The following SLC5A9 variants were observed in gnomAD, a reference collection of about 807,000 sequenced individuals.
SLC5A9 encodes the protein solute carrier family 5 member 9, also known as sodium/glucose cotransporter 4.
A neutral mutation model predicts 70.9 loss-of-function variants in SLC5A9; 59 were observed. That is an observed-to-expected ratio of 0.83 (90% CI 0.68 to 1.03). The LOEUF is 1.03. SLC5A9 is among the 50% of genes least tolerant of loss of function. The pLI is 0.00. For synonymous variants in SLC5A9, 340 were observed against 346.5 expected (o/e 0.98, Z 0.21); for missense variants, 832 against 881.1 (o/e 0.94, Z 0.71).
At chr1:48,241,929 T>C (rs1360316003) in intron 12 of SLC5A9, 1 of 456,286 alleles carries the variant, frequency 2.2e-6, no homozygotes, top group South Asian at 1.5e-5. Flanking sequence ...TCACCTCCTT[T>C]ACCCATTTCC....
Position 48,231,598 on chromosome 1 carries a change from G to C in SLC5A9, c.664G>C (p.Gly222Arg). Residue 222 changes from glycine to arginine, a missense_variant, in exon 6 of 14, where the codon GGG becomes CGG. Physicochemically the swap from Gly to Arg is moderately radical, Grantham distance 125 (BLOSUM62 -2). Coordinates refer to ENST00000438567, the MANE Select transcript of SLC5A9 (RefSeq NM_001011547.3). ...TGCTCTGCAGACGGTGATCATGGTA[G>C]GGGGAGCCCTGGTCCTCATGTTTCT... ...TDALQTVIMVGGALVLMFLGF... is the reference protein window; with the variant it reads ...TDALQTVIMVRGALVLMFLGF... 1.9e-6 allele frequency: 3 copies of C among 1,614,142 alleles called. No individual in the cohort carries two copies. The highest frequency in any genetic ancestry group is 8.5e-7 in the Non-Finnish European group (1 of 1,179,994).
intron 13 of SLC5A9, among the ~76,000 whole-genome samples, chr1:48,244,765 T>TAAATTATATTTATATTATATAA (rs1644432947): frequency 7.3e-6 from 1 of 136,436 alleles, no homozygotes; most frequent in Non-Finnish European, 1.5e-5. Flanking sequence ...ATATTATATA[T>TAAATTATATTTATATTATATAA]AAATTATATT....
At chr1:48,229,493 G>A (rs1201672570) in intron 4 of SLC5A9, 34 bp downstream of exon 4, 1 of 1,609,496 alleles carries the variant, frequency 6.2e-7, no homozygotes, top group African/African-American at 1.3e-5. Flanking sequence ...ACTGTGTCTG[G>A]AAATGCTAAT....
At chr1:48,227,996 C>G (rs1481866797) in intron 2 of SLC5A9, 1 of 152,256 alleles carries the variant, frequency 6.6e-6, no homozygotes, top group African/African-American at 2.4e-5. Context: ...TCCTCCCAGG[C>G]TCCAGAGCCC....
chr1:48,244,016 A>C (rs1644421798), intron 13 of SLC5A9, among the ~76,000 whole-genome samples: 1 of 152,222 alleles, frequency 6.6e-6, no homozygotes, highest in African/African-American at 2.4e-5. Context: ...AATGTCAATA[A>C]CGTAGTAATA....
Position 48,224,770 on chromosome 1 carries a change from C to T in SLC5A9, c.209C>T (p.Ala70Val). 3 of 1,614,120 alleles carry T rather than the reference C, an allele frequency of 1.9e-6. No individual in the cohort carries two copies. The highest frequency in any genetic ancestry group is 2.5e-6 in the Non-Finnish European group (3 of 1,180,018). The change falls in exon 2 of 14, where the codon GCC becomes GTC. Residue 70 changes from alanine to valine, a missense_variant. Coordinates refer to ENST00000438567, the MANE Select transcript of SLC5A9 (RefSeq NM_001011547.3). Reference sequence around the variant, plus strand: ...GGGACCATTGGCGGCTATTTCCTGGCCGGGAGGTCCATGAGCTGGTGGCCA... The same window carrying T: ...GGGACCATTGGCGGCTATTTCCTGGTCGGGAGGTCCATGAGCTGGTGGCCA... Reference protein sequence around the residue: ...SRGTIGGYFLAGRSMSWWPIG... With the variant: ...SRGTIGGYFLVGRSMSWWPIG...
At chr1:48,243,198 T>TC (rs1192612397) in intron 13 of SLC5A9, among the ~76,000 whole-genome samples, 1 of 152,012 alleles carries the variant, frequency 6.6e-6, no homozygotes, top group African/African-American at 2.4e-5. Context: ...TTTATTTATC[T>TC]CCCCCTGGGC....
rs1553132215 is a variant in SLC5A9, at chr1:48,244,878, G to GTATGTATATATATA, written c.1837+2265_1837+2266insGTATATATATATAT. ...TGTGTGTGTGTATGTATGTGTATGT[G>GTATGTATATATATA]TATATATATATATATATATATATAT... On this transcript the variant is annotated intron_variant, in intron 13 of 13. Transcript: ENST00000438567. 1.7e-4 allele frequency among the ~76,000 whole-genome samples: 5 copies of GTATGTATATATATA among 29,418 alleles called. 1 individual carries two copies. The highest frequency in any genetic ancestry group is 1.6e-3 in the East Asian group (1 of 616). The allele number at this position is 29,418 out of a possible 152,430, so 19.3% of individuals were successfully genotyped here.
chr1:48,225,927 C>T (rs1644139814), intron 2 of SLC5A9, among the ~76,000 whole-genome samples: 1 of 152,170 alleles, frequency 6.6e-6, no homozygotes, highest in African/African-American at 2.4e-5. Flanking sequence ...CGCCTCTCCC[C>T]ACCCTTCTCC....
chr1:48,227,173 G>T (rs1210608675), intron 2 of SLC5A9, among the ~76,000 whole-genome samples: 2 of 103,590 alleles, frequency 1.9e-5, no homozygotes, highest in Non-Finnish European at 4.4e-5. Flanking sequence ...CAGAGTGTGT[G>T]TGCGTGTGTG....
rs1205127927 is a variant in SLC5A9, at chr1:48,228,846, G to T, written c.235-4G>T. 3 of 1,613,538 alleles carry T rather than the reference G, an allele frequency of 1.9e-6. No homozygotes were observed. Among genetic ancestry groups the T allele is most frequent in the Non-Finnish European group, 2.5e-6 (3 of 1,179,876 alleles). On this transcript the variant is annotated splice_region_variant and splice_polypyrimidine_tract_variant and intron_variant, in intron 2 of 13. Transcript: ENST00000438567. ...CTGACCCTTGACCCAACTGTGCCTT[G>T]CAGATTGGAGCATCTCTGATGTCCA...
intron 4 of SLC5A9, 41 bp from the exon 5 acceptor site, chr1:48,230,559 G>A: frequency 7.0e-7 from 1 of 1,437,998 alleles, no homozygotes; most frequent in Non-Finnish European, 9.8e-7. Context: ...CCTACTGAGG[G>A]CCTCGGGTGG....
At chr1:48,232,282 A>AGTC in intron 7 of SLC5A9, 85 bp from the exon 8 acceptor site, 1 of 1,568,000 alleles carries the variant, frequency 6.4e-7, no homozygotes, top group Admixed American at 1.7e-5. Flanking sequence ...GTAGGGACAC[A>AGTC]GTCATGCCCA....
In SLC5A9 at chr1:48,237,608, G is replaced by A. The variant is rs746003380; in HGVS notation, c.1293-71G>A. On this transcript the variant is annotated intron_variant, in intron 10 of 13. Coordinates refer to ENST00000438567, the MANE Select transcript of SLC5A9 (RefSeq NM_001011547.3). ...TTCTTTCTCCCTTCCTGGTTCCTGT[G>A]CATCACCTTCACCCCACACCACACC... The A allele has an allele frequency of 1.6e-4, 236 of 1,477,324 alleles. 1 individual carries two copies. Among genetic ancestry groups the A allele is most frequent in the Non-Finnish European group, 2.1e-4 (225 of 1,075,484 alleles). 91.5% of individuals were successfully genotyped at this position (1,477,324 alleles called of 1,614,324 possible). A position where few individuals can be genotyped will look rare whatever the true frequency, so the allele number is the denominator to read the frequency against.
chr1:48,231,799 G>T (rs1177467657), intron 6 of SLC5A9, 147 bp from the exon 7 acceptor site: 2 of 1,510,436 alleles, frequency 1.3e-6, no homozygotes, highest in Non-Finnish European at 1.8e-6. Context: ...CAAACCAAGG[G>T]TCTTGAGCCC....
intron 12 of SLC5A9, chr1:48,241,844 C>T (rs984699734): frequency 3.4e-5 from 15 of 442,508 alleles, no homozygotes; most frequent in Non-Finnish European, 6.8e-5. Context: ...TCACCCAAGG[C>T]AGGAACCCTG....
At chr1:48,243,632 C>T (rs1644417321) in intron 13 of SLC5A9, among the ~76,000 whole-genome samples, 1 of 152,006 alleles carries the variant, frequency 6.6e-6, no homozygotes, top group Non-Finnish European at 1.5e-5. Context: ...AAAGCTCTAC[C>T]TGGGTGACAA....
At chr1:48,230,324 C>G (rs1044771348) in intron 4 of SLC5A9, among the ~76,000 whole-genome samples, 1 of 152,232 alleles carries the variant, frequency 6.6e-6, no homozygotes, top group African/African-American at 2.4e-5. Flanking sequence ...CCACTTCATT[C>G]CTCACCACTC....
intron 10 of SLC5A9, among the ~76,000 whole-genome samples, chr1:48,236,559 G>T (rs921466799): frequency 6.6e-6 from 1 of 152,212 alleles, no homozygotes; most frequent in Non-Finnish European, 1.5e-5. Context: ...ATAGGCTGGA[G>T]ATTTGTAGTT....
Sources: gnomAD v4.1 joint callset for allele counts (sites outside exome capture counted in the v4.1 genomes callset) on GRCh38, gnomAD v4.1.1 for gene constraint, MANE v1.5 for transcripts, NCBI Gene and HGNC (gene_info 2026-07-23, HGNC 2026-07-21) for gene names.